CFAP90: variants seen among roughly 807,000 people sequenced by gnomAD.
CFAP90 encodes cilia- and flagella-associated protein 90.
chr5:7,850,962 C>G, the CFAP90 span: 3 of 1,327,776 alleles, frequency 2.3e-6, no homozygotes, highest in East Asian at 8.5e-5. Context: ...CCGAGACGGG[C>G]GGCGGCCTGG....
the CFAP90 span, chr5:7,835,639 C>T: frequency 1.6e-4 from 95 of 580,120 alleles, no homozygotes; most frequent in Non-Finnish European, 2.7e-4. Context: ...GTTCACCTCA[C>T]CAAGCAGAAC....
the CFAP90 span, chr5:7,831,178 A>T: frequency 1.3e-5 from 2 of 152,260 alleles, no homozygotes; most frequent in African/African-American, 4.8e-5. Flanking sequence ...GCCTCTTCCC[A>T]TGACTGGCCC....
At chr5:7,845,088 C>T in the CFAP90 span, among the ~76,000 whole-genome samples, 1 of 152,208 alleles carries the variant, frequency 6.6e-6, no homozygotes. Context: ...GAAGCAAAGA[C>T]CTTCTTCACC....
the CFAP90 span, among the ~76,000 whole-genome samples, chr5:7,835,658 A>G: frequency 6.6e-6 from 1 of 152,100 alleles, no homozygotes; most frequent in Admixed American, 6.5e-5. Flanking sequence ...ACCAGCTGTG[A>G]CGTGGAGCAG....
chr5:7,849,854 G>T, the CFAP90 span, among the ~76,000 whole-genome samples: 13 of 152,212 alleles, frequency 8.5e-5, no homozygotes, highest in African/African-American at 2.9e-4. Flanking sequence ...CCATCCGGGC[G>T]TAGTCCCGGC....
chr5:7,842,920 C>A, the CFAP90 span, among the ~76,000 whole-genome samples: 2 of 152,178 alleles, frequency 1.3e-5, no homozygotes, highest in African/African-American at 4.8e-5. Flanking sequence ...GTGAGTCATA[C>A]AAGCCAGCTC....
the CFAP90 span, among the ~76,000 whole-genome samples, chr5:7,841,567 A>G: frequency 6.6e-6 from 1 of 152,216 alleles, no homozygotes; most frequent in Non-Finnish European, 1.5e-5. Context: ...AAAGATATGG[A>G]GTCAACCTAA....
At chr5:7,845,186 G>A in the CFAP90 span, among the ~76,000 whole-genome samples, 10 of 152,254 alleles carry the variant, frequency 6.6e-5, no homozygotes, top group South Asian at 2.1e-4. Context: ...ACTATCATGA[G>A]AACAGCAAGG....
chr5:7,832,168 T>G, the CFAP90 span: 1 of 778,546 alleles, frequency 1.3e-6, no homozygotes, highest in East Asian at 2.5e-5. Context: ...ACCTCCACGC[T>G]GAAGCCAGGG....
the CFAP90 span, chr5:7,850,887 G>A: frequency 7.5e-7 from 1 of 1,336,510 alleles, no homozygotes; most frequent in South Asian, 2.7e-5. Context: ...GCGCCGGGCG[G>A]TAGTAGTAGC....
the CFAP90 span, among the ~76,000 whole-genome samples, chr5:7,844,717 G>C: frequency 6.6e-6 from 1 of 152,098 alleles, no homozygotes; most frequent in East Asian, 1.9e-4. Flanking sequence ...CTGGATAATG[G>C]GGAGTTGCCT....
the CFAP90 span, among the ~76,000 whole-genome samples, chr5:7,838,355 A>C: frequency 3.9e-5 from 6 of 152,260 alleles, no homozygotes; most frequent in Admixed American, 2.6e-4. Flanking sequence ...AAGACATGAT[A>C]GAGAAATCTC....
the CFAP90 span, among the ~76,000 whole-genome samples, chr5:7,845,309 A>T: frequency 6.6e-6 from 1 of 152,170 alleles, no homozygotes; most frequent in South Asian, 2.1e-4. Flanking sequence ...CCATATCAAC[A>T]TGCATCTGTA....
the CFAP90 span, among the ~76,000 whole-genome samples, chr5:7,846,701 T>C: frequency 6.6e-6 from 1 of 152,292 alleles, no homozygotes. Flanking sequence ...TTCTGTACTG[T>C]TTTTACTACT....
At chr5:7,841,379 AG>A in the CFAP90 span, among the ~76,000 whole-genome samples, 1 of 152,196 alleles carries the variant, frequency 6.6e-6, no homozygotes, top group Non-Finnish European at 1.5e-5. Flanking sequence ...TGTTGGTGGG[AG>A]TGTAAATGAA....
At chr5:7,850,787 CCCA>C in the CFAP90 span, 3 of 1,210 alleles carry the variant, frequency 2.5e-3, no homozygotes, top group African/African-American at 8.9e-3. Context: ...CCCGCCCCTG[CCCA>C]GCCGCCCAGC....
At chr5:7,850,816 C>G in the CFAP90 span, 2 of 1,227,564 alleles carry the variant, frequency 1.6e-6, no homozygotes, top group African/African-American at 1.6e-5. Flanking sequence ...AGCCGCCCAG[C>G]CGCCCAGCCG....
the CFAP90 span, among the ~76,000 whole-genome samples, chr5:7,848,149 G>A: frequency 6.6e-6 from 1 of 152,054 alleles, no homozygotes; most frequent in African/African-American, 2.4e-5. Flanking sequence ...TTATGTATAG[G>A]TAACAGTTCT....
the CFAP90 span, among the ~76,000 whole-genome samples, chr5:7,847,087 C>T: frequency 1.3e-5 from 2 of 152,282 alleles, no homozygotes. Context: ...AGAATTTACC[C>T]TCTTTATTCC....
Sources: gnomAD v4.1 joint callset for allele counts (sites outside exome capture counted in the v4.1 genomes callset) on GRCh38, gnomAD v4.1.1 for gene constraint, MANE v1.5 for transcripts, NCBI Gene and HGNC (gene_info 2026-07-23, HGNC 2026-07-21) for gene names.